The following SLC10A6 variants were observed in gnomAD, a reference collection of about 807,000 sequenced individuals.
SLC10A6 encodes the protein sodium-dependent organic anion transporter.
Under a neutral mutation model 30.0 loss-of-function variants are expected in SLC10A6, and 27 were observed. That is an observed-to-expected ratio of 0.90 (90% confidence interval 0.66 to 1.24). The LOEUF is 1.24. Among genes scored for constraint, SLC10A6 ranks in the 50% most tolerant of loss-of-function variants. The pLI is 0.00. For synonymous variants in SLC10A6, 166 were observed against 173.8 expected (o/e 0.95, Z 0.36); for missense variants, 439 against 457.0 (o/e 0.96, Z 0.36).
chr4:86,843,463 G>A (rs1048963437), intron 1 of SLC10A6, among the ~76,000 whole-genome samples: 3 of 152,128 alleles, frequency 2.0e-5, no homozygotes, highest in African/African-American at 7.2e-5. Context: ...GTAGAGGAAG[G>A]GGGACATTTG....
chr4:86,846,631 C>T (rs1049391652), intron 1 of SLC10A6, among the ~76,000 whole-genome samples: 6 of 152,134 alleles, frequency 3.9e-5, no homozygotes, highest in African/African-American at 1.4e-4. Flanking sequence ...GAGGCTGAGG[C>T]AGGAGAATCA....
chr4:86,847,292 C>T (rs1746407715), intron 1 of SLC10A6, among the ~76,000 whole-genome samples: 1 of 152,196 alleles, frequency 6.6e-6, no homozygotes, highest in Non-Finnish European at 1.5e-5. Flanking sequence ...AGCATCTATC[C>T]CATGCCTATG....
chr4:86,839,723 G>A (rs2149413037), intron 1 of SLC10A6, among the ~76,000 whole-genome samples: 1 of 151,966 alleles, frequency 6.6e-6, no homozygotes, highest in South Asian at 2.1e-4. Context: ...TTTTCTTTCT[G>A]TGAATTCCCA....
At chr4:86,837,223 GAGAGAAAGAA>G (rs1254523891) in intron 1 of SLC10A6, among the ~76,000 whole-genome samples, 9 of 114,606 alleles carry the variant, frequency 7.9e-5, no homozygotes, top group South Asian at 2.7e-4. Context: ...GAGAGAGAGA[GAGAGAAAGAA>G]AGAAAGAAAG....
rs1578757622 is a variant in SLC10A6, at chr4:86,837,228, A to AG, written c.378-3805_378-3804insC. On this transcript the variant is annotated intron_variant, in intron 1 of 5. Transcript: ENST00000273905. ...GAGAGAGAGAGAGAGAGAGAGAGAG[A>AG]AAGAAAGAAAGAAAGAAAGAAAGAA... Among the ~76,000 whole-genome samples the AG allele has an allele frequency of 4.9e-3, 311 of 63,380 alleles. 2 individuals are homozygous for AG. The highest frequency in any genetic ancestry group is 0.024 in the African/African-American group (289 of 12,044). The allele number at this position is 63,380 out of a possible 152,430, so 41.6% of individuals were successfully genotyped here. A position where few individuals can be genotyped will look rare whatever the true frequency, so the allele number is the denominator to read the frequency against.
chr4:86,849,190 T>C lies in SLC10A6; in HGVS notation c.-75A>G. 2.7e-6 allele frequency: 4 copies of C among 1,507,022 alleles called. No individual in the cohort carries two copies. Among genetic ancestry groups the C allele is most frequent in the Non-Finnish European group, 3.6e-6 (4 of 1,121,776 alleles). 93.4% of individuals were successfully genotyped at this position (1,507,022 alleles called of 1,614,324 possible). On this transcript the variant is annotated 5_prime_UTR_variant, in exon 1 of 6. Transcript: ENST00000273905. Reference sequence around the variant, plus strand: ...CTGGGCAGGTCTATCCTGCCACATTTTGTAATAGTGCAACGAAGTCACACA... The same window carrying C: ...CTGGGCAGGTCTATCCTGCCACATTCTGTAATAGTGCAACGAAGTCACACA...
intron 1 of SLC10A6, among the ~76,000 whole-genome samples, chr4:86,843,846 C>T (rs954401103): frequency 2.0e-5 from 3 of 152,020 alleles, no homozygotes; most frequent in Non-Finnish European, 2.9e-5. Flanking sequence ...ATTCAATCCT[C>T]TCAACAGCTC....
chr4:86,837,225 G>GAGAGAAAGAA (rs1553899172), intron 1 of SLC10A6, among the ~76,000 whole-genome samples: 18 of 39,136 alleles, frequency 4.6e-4, no homozygotes, highest in East Asian at 9.3e-4. Context: ...GAGAGAGAGA[G>GAGAGAAAGAA]AGAAAGAAAG....
intron 1 of SLC10A6, among the ~76,000 whole-genome samples, chr4:86,837,292 AG>A (rs1560460391): frequency 4.9e-5 from 4 of 81,852 alleles, no homozygotes; most frequent in African/African-American, 1.1e-4. Context: ...AGAAAAAGAA[AG>A]GAAGGAAGGA....
In SLC10A6 at chr4:86,831,751, G is replaced by A. The variant is rs374200439; in HGVS notation, c.585+41C>T. The A allele has an allele frequency of 1.1e-4, 166 of 1,540,084 alleles. No individual in the cohort carries two copies. In the African/African-American group the frequency reaches 2.2e-3, roughly 21 times the overall value. On this transcript the variant is annotated intron_variant, in intron 3 of 5. Transcript: ENST00000273905. ...GCTCACTTCTGTCTTTCAGGCCCCTGAGTCTGAGGACGTGCCAACAGTGGC... is the reference window on the plus strand; with the variant it reads ...GCTCACTTCTGTCTTTCAGGCCCCTAAGTCTGAGGACGTGCCAACAGTGGC...
At chr4:86,829,089 C>T (rs1427665534) in intron 3 of SLC10A6, among the ~76,000 whole-genome samples, 2 of 151,946 alleles carry the variant, frequency 1.3e-5, no homozygotes, top group Non-Finnish European at 1.5e-5. Context: ...CAGACTAGAC[C>T]CCTGCCTAAG....
chr4:86,835,323 T>A (rs1333835253), intron 1 of SLC10A6, among the ~76,000 whole-genome samples: 1 of 152,178 alleles, frequency 6.6e-6, no homozygotes, highest in Non-Finnish European at 1.5e-5. Flanking sequence ...GATGCTAGAC[T>A]GAATTAAGAA....
At chr4:86,829,532 A>G (rs1049912081) in intron 3 of SLC10A6, among the ~76,000 whole-genome samples, 7 of 151,966 alleles carry the variant, frequency 4.6e-5, no homozygotes, top group Non-Finnish European at 8.8e-5. Context: ...TGTTCAGAAA[A>G]TGTGTCAGAT....
rs750661594 is a variant in SLC10A6 at position 86,848,916 on chromosome 4, C to T, written c.200G>A (p.Gly67Asp). 24 of 1,614,146 alleles carry T rather than the reference C, an allele frequency of 1.5e-5. No homozygotes were observed. The highest frequency in any genetic ancestry group is 1.9e-5 in the Non-Finnish European group (22 of 1,180,012). Residue 67 changes from glycine to aspartate, a missense_variant, in exon 1 of 6, where the codon GGC becomes GAC. Physicochemically the swap from Gly to Asp is moderately conservative, Grantham distance 94. Transcript: ENST00000273905. ...CTGGCAGAGCAGTCCCACAGCAATG[C>T]CCCAGGGTCTCCTGATGTGCGACCA... is the stretch of plus-strand genomic sequence containing the variant. ...KLWSHIRRPWGIAVGLLCQFG... is the reference protein window; with the variant it reads ...KLWSHIRRPWDIAVGLLCQFG...
chr4:86,844,920 C>A (rs1349598834), intron 1 of SLC10A6, among the ~76,000 whole-genome samples: 3 of 152,150 alleles, frequency 2.0e-5, no homozygotes, highest in Non-Finnish European at 4.4e-5. Context: ...ATAAAACCAT[C>A]ACTCACTATC....
chr4:86,829,988 G>A (rs1199979421), intron 3 of SLC10A6, among the ~76,000 whole-genome samples: 1 of 152,172 alleles, frequency 6.6e-6, no homozygotes, highest in African/African-American at 2.4e-5. Context: ...AATAATCAAA[G>A]ATAGAGTACT....
At chr4:86,830,714 C>A (rs193255122) in intron 3 of SLC10A6, among the ~76,000 whole-genome samples, 1 of 152,072 alleles carries the variant, frequency 6.6e-6, no homozygotes, top group Non-Finnish European at 1.5e-5. Context: ...TAGAGCCAAA[C>A]GGCAAAAGCT....
chr4:86,837,260 A>G (rs1746205594), intron 1 of SLC10A6, among the ~76,000 whole-genome samples: 1 of 111,114 alleles, frequency 9.0e-6, no homozygotes, highest in African/African-American at 3.6e-5. Flanking sequence ...AGAAAGAAAG[A>G]AAGAAAGAAA....
intron 1 of SLC10A6, among the ~76,000 whole-genome samples, chr4:86,834,204 A>T (rs868656419): frequency 1.3e-5 from 2 of 152,082 alleles, no homozygotes; most frequent in African/African-American, 4.8e-5. Flanking sequence ...AGTTGTTAAA[A>T]AGAGTCTGAC....
Sources: gnomAD v4.1 joint callset for allele counts (sites outside exome capture counted in the v4.1 genomes callset) on GRCh38, gnomAD v4.1.1 for gene constraint, MANE v1.5 for transcripts, NCBI Gene and HGNC (gene_info 2026-07-23, HGNC 2026-07-21) for gene names.